GRK5: variants seen among roughly 807,000 people sequenced by gnomAD.
GRK5 encodes the protein g protein-coupled receptor kinase GRK5.
A neutral mutation model predicts 78.4 loss-of-function variants in GRK5; 40 were observed. The observed-to-expected ratio is 0.51, with a 90% CI of 0.40 to 0.66. The LOEUF is 0.66. GRK5 is among the 30% of genes least tolerant of loss of function. GRK5 has a pLI of 0.00. For synonymous variants in GRK5, 289 were observed against 296.8 expected, an observed-to-expected ratio of 0.97 and a Z score of 0.27; for missense variants, 598 against 759.9, an observed-to-expected ratio of 0.79 and a Z score of 2.50.
chr10:119,276,847 G>A (rs1184882818), intron 1 of GRK5, among the ~76,000 whole-genome samples: 1 of 152,210 alleles, frequency 6.6e-6, no homozygotes, highest in Non-Finnish European at 1.5e-5. Context: ...AGCGGGACCT[G>A]AACTCAAGTC....
At chr10:119,399,112 C>G (rs924739888) in intron 4 of GRK5, among the ~76,000 whole-genome samples, 1 of 152,228 alleles carries the variant, frequency 6.6e-6, no homozygotes, top group Non-Finnish European at 1.5e-5. Context: ...GGCCCAGACA[C>G]CCCCATCAGC....
chr10:119,431,543 G>A lies in GRK5; in HGVS notation c.738+16G>A, dbSNP rs1290643664. On this transcript the variant is annotated intron_variant, in intron 8 of 15. Transcript: ENST00000392870. The surrounding 1 kb of genome is among the most constrained non-coding windows in gnomAD (Gnocchi z 4.8). ...TCAGTTTGTGGTGAGTGAGCATCTG[G>A]GCCCAGTGACCGGCTCGCCCTTCTG... is the stretch of plus-strand genomic sequence containing the variant. 6.2e-7 allele frequency: 1 copy of A among 1,609,622 alleles called. No homozygotes were observed. Among genetic ancestry groups the A allele is most frequent in the Non-Finnish European group, 8.5e-7 (1 of 1,177,690 alleles).
rs141618304 is a variant in GRK5, at chr10:119,301,540, A to C, written c.53-24976A>C. On this transcript the variant is annotated intron_variant, in intron 1 of 15. Coordinates refer to ENST00000392870, the MANE Select transcript of GRK5 (RefSeq NM_005308.3). ...AGGAAGCCCAGGCTTGGTGTTACCC[A>C]CAGCACAGAGGTGGCTCTAGAGCAC... Among the ~76,000 whole-genome samples, 315 of 152,308 alleles carry C rather than the reference A, an allele frequency of 2.1e-3. 2 individuals carry two copies. The highest frequency in any genetic ancestry group is 7.4e-3 in the African/African-American group (306 of 41,566).
chr10:119,239,518 G>A (rs1234269842), intron 1 of GRK5, among the ~76,000 whole-genome samples: 2 of 152,154 alleles, frequency 1.3e-5, no homozygotes, highest in Non-Finnish European at 2.9e-5. Flanking sequence ...TTACAGGCAT[G>A]AGCCACTGCA....
chr10:119,280,020 T>A (rs1849735121), intron 1 of GRK5, among the ~76,000 whole-genome samples: 1 of 152,070 alleles, frequency 6.6e-6, no homozygotes, highest in South Asian at 2.1e-4. Flanking sequence ...AGTATTGCAC[T>A]GGGGCCAGAA....
intron 12 of GRK5, 28 bp from the exon 13 acceptor site, chr10:119,448,095 C>T (rs758553979): frequency 1.6e-5 from 24 of 1,517,184 alleles, no homozygotes; most frequent in South Asian, 3.9e-5. Flanking sequence ...GCCCAGGGGA[C>T]GTGGCTTCAT....
intron 2 of GRK5, among the ~76,000 whole-genome samples, chr10:119,341,337 T>A (rs1205220049): frequency 6.6e-6 from 1 of 152,234 alleles, no homozygotes; most frequent in Non-Finnish European, 1.5e-5. Flanking sequence ...TTGCTGAAGC[T>A]GACCAGGCCC....
chr10:119,267,877 C>T lies in GRK5; in HGVS notation c.53-58639C>T, dbSNP rs909107073. 3.9e-5 allele frequency among the ~76,000 whole-genome samples: 6 copies of T among 152,184 alleles called. No individual in the cohort carries two copies. Among genetic ancestry groups the T allele is most frequent in the Non-Finnish European group, 8.8e-5 (6 of 68,036 alleles). On this transcript the variant is annotated intron_variant, in intron 1 of 15. Transcript: ENST00000392870. This position sits in a 1 kb window ranked among gnomAD's most constrained non-coding sequence, Gnocchi z 4.1. ...CACTCCCCACCCCCCACAGCCCAGC[C>T]AGGTCCAAAACCCTACATGCTGCCT...
intron 1 of GRK5, among the ~76,000 whole-genome samples, chr10:119,309,499 T>C (rs749924538): frequency 1.1e-4 from 16 of 152,228 alleles, no homozygotes; most frequent in Admixed American, 2.0e-4. Flanking sequence ...TGTGACCCTA[T>C]GTGAGATCAA....
chr10:119,417,174 C>G (rs1176995580), intron 4 of GRK5, among the ~76,000 whole-genome samples: 1 of 152,218 alleles, frequency 6.6e-6, no homozygotes, highest in East Asian at 1.9e-4. Flanking sequence ...TGTAATGCCA[C>G]TGAGGGTGGG....
At chr10:119,453,539 G>A (rs1327654899) in intron 15 of GRK5, among the ~76,000 whole-genome samples, 6 of 152,330 alleles carry the variant, frequency 3.9e-5, no homozygotes, top group Middle Eastern at 6.8e-3. Context: ...GCCTGGGGCC[G>A]GTTAATTCCT....
At chr10:119,309,066 G>A (rs1264636512) in intron 1 of GRK5, among the ~76,000 whole-genome samples, 1 of 152,234 alleles carries the variant, frequency 6.6e-6, no homozygotes, top group African/African-American at 2.4e-5. Context: ...GGAAACTGGG[G>A]CCACCTTCGG....
intron 1 of GRK5, among the ~76,000 whole-genome samples, chr10:119,275,033 G>A (rs1425768309): frequency 1.3e-5 from 2 of 152,158 alleles, no homozygotes; most frequent in African/African-American, 2.4e-5. Flanking sequence ...CCTGTAAAAT[G>A]AGCTCATGAT....
chr10:119,397,766 T>C (rs1852081225), intron 4 of GRK5, among the ~76,000 whole-genome samples: 1 of 152,194 alleles, frequency 6.6e-6, no homozygotes, highest in Non-Finnish European at 1.5e-5. Context: ...CATCAGCAGT[T>C]GGTAGTGGCC....
chr10:119,430,529 G>A lies in GRK5; in HGVS notation c.597+91G>A, dbSNP rs370138263. The A allele has an allele frequency of 3.3e-5, 37 of 1,136,896 alleles. No individual in the cohort carries two copies. The highest frequency in any genetic ancestry group is 1.4e-4 in the African/African-American group (9 of 63,816). The allele number at this position is 1,136,896 out of a possible 1,614,324, so 70.4% of individuals were successfully genotyped here. ...AAATCAACCTAAAGGGTTGGCCCAC[G>A]GGTCCCCCGGGGGCACCAGTGGCTC... On this transcript the variant is annotated intron_variant, in intron 7 of 15. Coordinates refer to ENST00000392870, the MANE Select transcript of GRK5 (RefSeq NM_005308.3). The surrounding 1 kb of genome is among the most constrained non-coding windows in gnomAD (Gnocchi z 4.5).
At chr10:119,268,787 C>G (rs1849541317) in intron 1 of GRK5, among the ~76,000 whole-genome samples, 1 of 152,266 alleles carries the variant, frequency 6.6e-6, no homozygotes, top group Non-Finnish European at 1.5e-5. Context: ...TAGGGTTGGA[C>G]TGGTGCTGCC....
intron 1 of GRK5, among the ~76,000 whole-genome samples, chr10:119,284,451 T>C (rs917931291): frequency 6.6e-6 from 1 of 152,210 alleles, no homozygotes; most frequent in East Asian, 1.9e-4. Context: ...TAATCCGATA[T>C]GTACAAATGA....
intron 1 of GRK5, among the ~76,000 whole-genome samples, chr10:119,216,681 G>A (rs1589683881): frequency 6.6e-6 from 1 of 151,760 alleles, no homozygotes; most frequent in East Asian, 1.9e-4. Context: ...GGCCAGGCGT[G>A]GTGGCTCACG....
intron 1 of GRK5, among the ~76,000 whole-genome samples, chr10:119,310,348 C>A (rs1850337640): frequency 6.6e-6 from 1 of 152,210 alleles, no homozygotes; most frequent in African/African-American, 2.4e-5. Context: ...GTCCACTTAT[C>A]TCCCTTCCCC....
Sources: gnomAD v4.1 joint callset for allele counts (sites outside exome capture counted in the v4.1 genomes callset) on GRCh38, gnomAD v4.1.1 for gene constraint, Gnocchi (gnomAD v3.1) non-coding constraint, MANE v1.5 for transcripts, NCBI Gene and HGNC (gene_info 2026-07-23, HGNC 2026-07-21) for gene names.